The following PCDHGA6 variants were observed in gnomAD, a reference collection of about 807,000 sequenced individuals.
PCDHGA6 encodes the protein protocadherin gamma-A6.
A neutral mutation model predicts 60.6 loss-of-function variants in PCDHGA6; 41 were observed. That is an observed-to-expected ratio of 0.68 (90% CI 0.53 to 0.88). The LOEUF is 0.88. Ranked by LOEUF, PCDHGA6 falls within the 40% of genes least tolerant of loss-of-function variation. The pLI is 0.00. For missense variants in PCDHGA6, 1,312 were observed against 1,203.0 expected (o/e 1.09, Z -1.34); for synonymous variants, 594 against 524.4 (o/e 1.13, Z -1.81).
Position 141,376,812 on chromosome 5 carries a change from T to G in PCDHGA6, c.2424+305T>G, listed in dbSNP as rs62378423. ...CGCCATTCTCCTGCCTCAGCCTCCC[T>G]AGTAGCTGGGACTACAGGCGCCCGC... On this transcript the variant is annotated intron_variant, in intron 1 of 3. Coordinates refer to ENST00000517434, the MANE Select transcript of PCDHGA6 (RefSeq NM_018919.3). 3.9e-4 allele frequency: 120 copies of G among 303,828 alleles called. 2 individuals carry two copies. In the South Asian group the frequency reaches 4.4e-3, roughly 11 times the overall value. The allele number at this position is 303,828 out of a possible 1,614,324, so 18.8% of individuals were successfully genotyped here.
Position 141,394,271 on chromosome 5 carries a change from G to C in PCDHGA6, c.2424+17764G>C, listed in dbSNP as rs768847661. The stretch of plus-strand genomic sequence containing the variant: ...ACCCCGACAGCCAGGAGAATGCCCA[G>C]GTCACTTACTCTGTGACCGAGGACA... On this transcript the variant is annotated intron_variant, in intron 1 of 3. Transcript: ENST00000517434. 9 of 1,613,862 alleles carry C rather than the reference G, an allele frequency of 5.6e-6. No individual in the cohort carries two copies. In the South Asian group the frequency reaches 9.9e-5, roughly 18 times the overall value.
In PCDHGA6 at chr5:141,431,766, C is replaced by T. The variant is rs1474420822; in HGVS notation, c.2424+55259C>T. Reference sequence around the variant, plus strand: ...TCTGCGCGAGCCAAAGTCCTGATCACTGTTCTGGACGTGAACGACAATGCC... The same window carrying T: ...TCTGCGCGAGCCAAAGTCCTGATCATTGTTCTGGACGTGAACGACAATGCC... On this transcript the variant is annotated intron_variant, in intron 1 of 3. Transcript: ENST00000517434. The surrounding 1 kb of genome is among the most constrained non-coding windows in gnomAD (Gnocchi z 4.8). 2.5e-6 allele frequency: 4 copies of T among 1,614,196 alleles called. No individual in the cohort carries two copies. Among genetic ancestry groups the T allele is most frequent in the Non-Finnish European group, 3.4e-6 (4 of 1,180,010 alleles).
intron 1 of PCDHGA6, chr5:141,409,152 T>C: frequency 6.2e-7 from 1 of 1,613,988 alleles, no homozygotes; most frequent in Non-Finnish European, 8.5e-7. Context: ...AGGTACACCA[T>C]GGAAGTGGAA....
rs149319740 is a variant in PCDHGA6, at chr5:141,378,591, G to A, written c.2424+2084G>A. The stretch of plus-strand genomic sequence containing the variant: ...TTTTAAAACATGCTCGGTAGTGTCT[G>A]CTTACAGGACATATCTCTAAAAATA... On this transcript the variant is annotated intron_variant, in intron 1 of 3. Transcript: ENST00000517434. 4.1e-4 allele frequency: 63 copies of A among 152,298 alleles called. 1 individual carries two copies. Among genetic ancestry groups the A allele is most frequent in the African/African-American group, 1.4e-3 (60 of 41,574 alleles). The allele number at this position is 152,298 out of a possible 1,614,324, so 9.4% of individuals were successfully genotyped here.
At chr5:141,393,806 C>CA in intron 1 of PCDHGA6, 12 of 1,613,866 alleles carry the variant, frequency 7.4e-6, no homozygotes, top group Non-Finnish European at 1.0e-5. Flanking sequence ...TGGGGAGGAC[C>CA]AAATTGCTCA....
At chr5:141,468,853 G>C (rs893773356) in intron 1 of PCDHGA6, among the ~76,000 whole-genome samples, 5 of 150,898 alleles carry the variant, frequency 3.3e-5, no homozygotes, top group Non-Finnish European at 7.4e-5. Flanking sequence ...GCAACAGAGC[G>C]AGACTCCATC....
In PCDHGA6 at chr5:141,491,681, C is replaced by A; in HGVS notation, c.2425-3126C>A. The A allele has an allele frequency of 6.2e-7, 1 of 1,613,458 alleles. No individual in the cohort carries two copies. Among genetic ancestry groups the A allele is most frequent in the Non-Finnish European group, 8.5e-7 (1 of 1,179,804 alleles). ...GACGCCATCCGGTCCCGCTCTAATA[C>A]GCTGCGGGAGCGGAGCCAGGTGAGG... On this transcript the variant is annotated intron_variant, in intron 1 of 3. Coordinates refer to ENST00000517434, the MANE Select transcript of PCDHGA6 (RefSeq NM_018919.3). This position sits in a 1 kb window ranked among gnomAD's most constrained non-coding sequence, Gnocchi z 6.9.
chr5:141,489,942 C>T lies in PCDHGA6; in HGVS notation c.2425-4865C>T. On this transcript the variant is annotated intron_variant, in intron 1 of 3. Transcript: ENST00000517434. The surrounding 1 kb of genome is among the most constrained non-coding windows in gnomAD (Gnocchi z 4.5). ...CCCTTATCTCTGTCATCGTGCTGGA[C>T]ATCAATGATAATGCTCCAACCTTCC... 2 of 1,614,170 alleles carry T rather than the reference C, an allele frequency of 1.2e-6. No homozygotes were observed. The highest frequency in any genetic ancestry group is 1.7e-6 in the Non-Finnish European group (2 of 1,179,984).
At position 141,487,946 on chromosome 5, in the gene PCDHGA6, C is replaced by G. The variant is rs187890859; in HGVS notation, c.2425-6861C>G. 7.9e-5 allele frequency among the ~76,000 whole-genome samples: 12 copies of G among 152,298 alleles called. No homozygotes were observed. The highest frequency in any genetic ancestry group is 7.8e-4 in the Admixed American group (12 of 15,304). Reference sequence around the variant, plus strand: ...AGTGCACAGGGTACAGTGCACCAGGCAGTCACTTGGACAAAGGTGGCTGTT... The same window carrying G: ...AGTGCACAGGGTACAGTGCACCAGGGAGTCACTTGGACAAAGGTGGCTGTT... On this transcript the variant is annotated intron_variant, in intron 1 of 3. Transcript: ENST00000517434. The surrounding 1 kb of genome is among the most constrained non-coding windows in gnomAD (Gnocchi z 5.0).
At chr5:141,484,621 T>C (rs2099598239) in intron 1 of PCDHGA6, among the ~76,000 whole-genome samples, 1 of 152,058 alleles carries the variant, frequency 6.6e-6, no homozygotes, top group Admixed American at 6.6e-5. Flanking sequence ...CAACACTGGC[T>C]TGAACAAAGT....
chr5:141,381,582 C>T (rs1777289375), intron 1 of PCDHGA6, among the ~76,000 whole-genome samples: 1 of 152,154 alleles, frequency 6.6e-6, no homozygotes, highest in African/African-American at 2.4e-5. Flanking sequence ...TCAGCCAATC[C>T]ATTATCCAGT....
chr5:141,502,468 C>A (rs1007796183), intron 2 of PCDHGA6, among the ~76,000 whole-genome samples: 6 of 151,190 alleles, frequency 4.0e-5, no homozygotes, highest in Non-Finnish European at 8.8e-5. Flanking sequence ...GGAATACTTC[C>A]CGCAGCATCA....
At chr5:141,429,486 A>C (rs2097218130) in intron 1 of PCDHGA6, among the ~76,000 whole-genome samples, 1 of 152,114 alleles carries the variant, frequency 6.6e-6, no homozygotes, top group Non-Finnish European at 1.5e-5. Context: ...AGTAGCTGAG[A>C]CTACAGTTGC....
At chr5:141,440,472 A>C (rs913774913) in intron 1 of PCDHGA6, 6 of 152,322 alleles carry the variant, frequency 3.9e-5, no homozygotes, top group Admixed American at 3.9e-4. Flanking sequence ...ACGGTAGTTG[A>C]AAATTCTTTA....
intron 1 of PCDHGA6, chr5:141,427,617 G>C (rs1295636754): frequency 1.4e-6 from 1 of 694,694 alleles, no homozygotes. Context: ...TGAAGTCAAC[G>C]ACAATGCTCC....
rs762306215 is a variant in PCDHGA6 at position 141,374,474 on chromosome 5, C to A, written c.391C>A (p.Pro131Thr). Residue 131 changes from proline to threonine, a missense_variant, in exon 1 of 4, where the codon CCC (proline) becomes ACC (threonine). Transcript: ENST00000517434. ...VEIVDINDNT[P>T]RFLKEELEVK... ...AATAGTGGACATTAATGACAATACA[C>A]CCCGATTCTTAAAGGAAGAATTGGA... 3.7e-6 allele frequency: 6 copies of A among 1,612,140 alleles called. No individual in the cohort carries two copies. In the African/African-American group the frequency reaches 4.0e-5, roughly 11 times the overall value.
intron 1 of PCDHGA6, chr5:141,427,043 G>A: frequency 2.2e-6 from 1 of 457,348 alleles, no homozygotes; most frequent in Non-Finnish European, 4.4e-6. Context: ...GAGAGAATGT[G>A]CCCCCAGGCA....
intron 1 of PCDHGA6, among the ~76,000 whole-genome samples, chr5:141,484,288 C>T (rs1300726429): frequency 6.6e-6 from 1 of 152,176 alleles, no homozygotes; most frequent in African/African-American, 2.4e-5. Context: ...AAACATCTCC[C>T]TCTCCTGGCT....
chr5:141,475,128 C>T (rs775275292), intron 1 of PCDHGA6, among the ~76,000 whole-genome samples: 3 of 151,894 alleles, frequency 2.0e-5, no homozygotes, highest in Non-Finnish European at 4.4e-5. Context: ...GGCTTTTTTT[C>T]TTTTTGAAAT....
Sources: gnomAD v4.1 joint callset for allele counts (sites outside exome capture counted in the v4.1 genomes callset) on GRCh38, gnomAD v4.1.1 for gene constraint, Gnocchi (gnomAD v3.1) non-coding constraint, MANE v1.5 for transcripts, NCBI Gene and HGNC (gene_info 2026-07-23, HGNC 2026-07-21) for gene names.